Variants in PAK1 observed in about 807,000 individuals in gnomAD.
PAK1 encodes p21 (RAC1) activated kinase 1.
In PAK1, 29 loss-of-function variants were observed where a neutral mutation model predicts 67.4. That is an observed-to-expected ratio of 0.43 (90% CI 0.32 to 0.59). The LOEUF is 0.59. PAK1 is among the 20% of genes least tolerant of loss of function. PAK1 has a pLI of 0.07. For synonymous variants in PAK1, 223 were observed against 237.4 expected (o/e 0.94, Z 0.56); for missense variants, 337 against 670.7 (o/e 0.50, Z 5.50).
chr11:77,379,156 C>A, intron 4 of PAK1, 85 bp downstream of exon 4: 1 of 1,143,176 alleles, frequency 8.7e-7, no homozygotes, highest in Non-Finnish European at 1.2e-6. Flanking sequence ...TTTCTTCTCT[C>A]ATCCCAGACT....
intron 5 of PAK1, among the ~76,000 whole-genome samples, chr11:77,371,426 G>A (rs1334330621): frequency 1.3e-5 from 2 of 152,060 alleles, no homozygotes; most frequent in South Asian, 2.1e-4. Flanking sequence ...GACAGTGCAC[G>A]TTCATTTTTG....
chr11:77,498,849 C>T, the PAK1 span, among the ~76,000 whole-genome samples: 6 of 151,794 alleles, frequency 4.0e-5, no homozygotes, highest in Non-Finnish European at 7.4e-5. Context: ...TACAGGCACA[C>T]GCCACCATGC....
Position 77,332,883 on chromosome 11 carries a change from G to T in PAK1, c.1414-16C>A. 6.2e-7 allele frequency: 1 copy of T among 1,612,482 alleles called. No homozygotes were observed. The highest frequency in any genetic ancestry group is 8.5e-7 in the Non-Finnish European group (1 of 1,178,570). On this transcript the variant is annotated splice_polypyrimidine_tract_variant and intron_variant, in intron 13 of 14. Coordinates refer to ENST00000356341, the MANE Select transcript of PAK1 (RefSeq NM_002576.5). ...GGTACAAGGCCTGGCAATAAAAATG[G>T]TGAATCACCTTGAGCTCCAAATGAG...
chr11:77,420,584 C>G (rs899418819), intron 1 of PAK1, among the ~76,000 whole-genome samples: 2 of 152,198 alleles, frequency 1.3e-5, no homozygotes, highest in African/African-American at 4.8e-5. Flanking sequence ...TATCAGCCCC[C>G]ACAAGCATCC....
intron 8 of PAK1, 52 bp downstream of exon 8, chr11:77,353,484 G>T: frequency 1.5e-6 from 2 of 1,307,912 alleles, no homozygotes; most frequent in Non-Finnish European, 2.2e-6. Flanking sequence ...ATATATGCCG[G>T]CACACACACT....
At chr11:77,412,864 T>C (rs1197606994) in intron 1 of PAK1, among the ~76,000 whole-genome samples, 1 of 152,234 alleles carries the variant, frequency 6.6e-6, no homozygotes, top group Non-Finnish European at 1.5e-5. Context: ...CCAGGGCTCA[T>C]ACAATAAGTA....
At chr11:77,430,082 A>C (rs1406038330) in intron 1 of PAK1, among the ~76,000 whole-genome samples, 2 of 152,202 alleles carry the variant, frequency 1.3e-5, no homozygotes, top group East Asian at 3.9e-4. Context: ...GTTAAAGGTA[A>C]GACTGAGACT....
chr11:77,503,779 A>T, the PAK1 span, among the ~76,000 whole-genome samples: 1 of 152,214 alleles, frequency 6.6e-6, no homozygotes, highest in Non-Finnish European at 1.5e-5. Context: ...TTGAGCCCAG[A>T]AAGTCGAGGT....
chr11:77,461,996 G>A (rs1957367727), intron 1 of PAK1, among the ~76,000 whole-genome samples: 1 of 152,182 alleles, frequency 6.6e-6, no homozygotes, highest in Non-Finnish European at 1.5e-5. Flanking sequence ...GAAAGATCCA[G>A]AGTAGCAAAG....
At chr11:77,395,591 C>T (rs1385769767) in intron 1 of PAK1, among the ~76,000 whole-genome samples, 2 of 151,842 alleles carry the variant, frequency 1.3e-5, no homozygotes, top group Admixed American at 1.3e-4. Context: ...TTTACTTATA[C>T]ACACACACAG....
intron 10 of PAK1, among the ~76,000 whole-genome samples, chr11:77,342,710 A>G (rs1054091420): frequency 6.6e-6 from 1 of 152,254 alleles, no homozygotes; most frequent in African/African-American, 2.4e-5. Flanking sequence ...CTTTAAGGAA[A>G]CTGAAGCTTA....
chr11:77,432,597 G>A (rs898753858), intron 1 of PAK1, among the ~76,000 whole-genome samples: 5 of 152,222 alleles, frequency 3.3e-5, no homozygotes, highest in African/African-American at 1.2e-4. Flanking sequence ...AATCAAGGTT[G>A]CAGTGAACTA....
At chr11:77,407,065 TA>T (rs1442101828) in intron 1 of PAK1, among the ~76,000 whole-genome samples, 8 of 152,190 alleles carry the variant, frequency 5.3e-5, no homozygotes, top group African/African-American at 1.7e-4. Flanking sequence ...TGATTATTTT[TA>T]AGCTTTATAA....
At chr11:77,524,552 T>C in the PAK1 span, among the ~76,000 whole-genome samples, 1 of 152,262 alleles carries the variant, frequency 6.6e-6, no homozygotes, top group African/African-American at 2.4e-5. Context: ...TGAGCAAGCC[T>C]GCCCTCTTCT....
intron 2 of PAK1, among the ~76,000 whole-genome samples, chr11:77,381,172 T>TA (rs1271007336): frequency 2.6e-4 from 34 of 131,158 alleles, no homozygotes; most frequent in African/African-American, 1.0e-3. Context: ...TGTGTGTGTG[T>TA]GTGTAGAGAG....
At chr11:77,324,958 T>C (rs1238671716) in intron 14 of PAK1, among the ~76,000 whole-genome samples, 3 of 152,222 alleles carry the variant, frequency 2.0e-5, no homozygotes, top group South Asian at 2.1e-4. Flanking sequence ...ATCATGAAGA[T>C]ATGAATTCCA....
intron 1 of PAK1, among the ~76,000 whole-genome samples, chr11:77,448,146 C>G (rs1261981546): frequency 6.6e-6 from 1 of 152,122 alleles, no homozygotes; most frequent in Admixed American, 6.5e-5. Flanking sequence ...GCTGTGAGAT[C>G]AGAAATTAAT....
chr11:77,403,184 C>T (rs2137765706), intron 1 of PAK1, among the ~76,000 whole-genome samples: 1 of 152,286 alleles, frequency 6.6e-6, no homozygotes, highest in East Asian at 1.9e-4. Context: ...TTGTAAAAAC[C>T]TATATTTTCC....
At chr11:77,374,476 A>ACCAGTC in intron 4 of PAK1, 111 bp from the exon 5 acceptor site, 1 of 722,538 alleles carries the variant, frequency 1.4e-6, no homozygotes, top group Non-Finnish European at 2.5e-6. Context: ...AGAGAATAGT[A>ACCAGTC]ATAGTATGAC....
Sources: gnomAD v4.1 joint callset for allele counts (sites outside exome capture counted in the v4.1 genomes callset) on GRCh38, gnomAD v4.1.1 for gene constraint, MANE v1.5 for transcripts, NCBI Gene and HGNC (gene_info 2026-07-23, HGNC 2026-07-21) for gene names.